The following DTNA variants were observed in gnomAD, a reference collection of about 807,000 sequenced individuals.
DTNA encodes the protein dystrobrevin alpha.
A neutral mutation model predicts 100.7 loss-of-function variants in DTNA; 43 were observed. The ratio of observed to expected loss-of-function variants is 0.43; its 90% CI spans 0.33 to 0.55. The LOEUF (loss-of-function observed/expected upper bound fraction) is 0.55, where lower values mean the gene tolerates loss of function less well. DTNA is among the 20% of genes least tolerant of loss of function. DTNA has a pLI of 0.04. For missense variants in DTNA, 798 were observed against 953.9 expected (o/e 0.84, Z 2.15); for synonymous variants, 349 against 347.9 (o/e 1.00, Z -0.04).
upstream of DTNA, among the ~76,000 whole-genome samples, chr18:34,707,632 A>G (rs1600551489): frequency 6.6e-6 from 1 of 152,208 alleles, no homozygotes; most frequent in Non-Finnish European, 1.5e-5. Context: ...TAATGGCCAC[A>G]TAACCAATCT....
At chr18:34,544,592 A>G (rs1017602925) in intron 1 of DTNA, among the ~76,000 whole-genome samples, 13 of 152,130 alleles carry the variant, frequency 8.5e-5, no homozygotes, top group African/African-American at 3.1e-4. Context: ...TTTAAATTAG[A>G]GTACATATAT....
intron 1 of DTNA, among the ~76,000 whole-genome samples, chr18:34,635,518 T>A (rs1212771548): frequency 6.6e-6 from 1 of 152,198 alleles, no homozygotes; most frequent in East Asian, 1.9e-4. Context: ...GAATCTTAAA[T>A]CATATTAATA....
intron 1 of DTNA, among the ~76,000 whole-genome samples, chr18:34,583,777 G>T (rs1297502687): frequency 6.6e-6 from 1 of 152,134 alleles, no homozygotes; most frequent in African/African-American, 2.4e-5. Context: ...ACTTGAGGCT[G>T]AAAACAGGAC....
chr18:34,612,602 G>A (rs1363735516), intron 1 of DTNA, among the ~76,000 whole-genome samples: 3 of 152,122 alleles, frequency 2.0e-5, no homozygotes, highest in Non-Finnish European at 2.9e-5. Flanking sequence ...AAAAAAACAG[G>A]GAGAGTATTT....
intron 1 of DTNA, among the ~76,000 whole-genome samples, chr18:34,572,608 GA>G (rs1303887804): frequency 6.6e-6 from 1 of 152,140 alleles, no homozygotes; most frequent in African/African-American, 2.4e-5. Flanking sequence ...GTGAGTTTAT[GA>G]AATAAACCAT....
chr18:34,519,033 C>G (rs2041930280), intron 1 of DTNA, among the ~76,000 whole-genome samples: 1 of 151,864 alleles, frequency 6.6e-6, no homozygotes, highest in South Asian at 2.1e-4. Context: ...TTATCAGAGC[C>G]TTGCAGAGAA....
chr18:34,786,586 C>A (rs1025748947), intron 3 of DTNA, among the ~76,000 whole-genome samples: 1 of 152,080 alleles, frequency 6.6e-6, no homozygotes, highest in Non-Finnish European at 1.5e-5. Context: ...GCACGGAGGG[C>A]AGGGTGGAGA....
chr18:34,768,390 A>G (rs777907602), intron 3 of DTNA, among the ~76,000 whole-genome samples: 6 of 152,206 alleles, frequency 3.9e-5, no homozygotes, highest in Non-Finnish European at 8.8e-5. Context: ...TCAGGGAATC[A>G]GGGACTTGGC....
upstream of DTNA, among the ~76,000 whole-genome samples, chr18:34,706,137 G>A (rs964275163): frequency 2.0e-5 from 3 of 152,062 alleles, no homozygotes; most frequent in Non-Finnish European, 4.4e-5. Flanking sequence ...TAGCAGAGAC[G>A]GGGTTCTTCC....
chr18:34,542,670 GAA>G (rs35532444), intron 1 of DTNA, among the ~76,000 whole-genome samples: 11 of 143,798 alleles, frequency 7.6e-5, no homozygotes, highest in Non-Finnish European at 1.2e-4. Flanking sequence ...TCTGTTCTGT[GAA>G]AAAAAAAAAA....
At chr18:34,516,929 G>A (rs745307185) in intron 1 of DTNA, among the ~76,000 whole-genome samples, 35 of 152,114 alleles carry the variant, frequency 2.3e-4, no homozygotes, top group East Asian at 3.8e-4. Flanking sequence ...AAAGACAGGC[G>A]TAGGAAATTA....
In DTNA at chr18:34,888,472, A is replaced by C. The variant is rs1603369877; in HGVS notation, c.*738A>C. Reference sequence around the variant, plus strand: ...ATCCATTCTTTGGGGCCTCTTTCCAACTCGAGGTTGTTTTCTTTCAAGATA... The same window carrying C: ...ATCCATTCTTTGGGGCCTCTTTCCACCTCGAGGTTGTTTTCTTTCAAGATA... On this transcript the variant is annotated 3_prime_UTR_variant, in exon 23 of 23. Transcript: ENST00000444659. 1.0e-6 allele frequency: 1 copy of C among 985,434 alleles called. No individual in the cohort carries two copies. The highest frequency in any genetic ancestry group is 1.2e-6 in the Non-Finnish European group (1 of 829,866). 61.0% of individuals were successfully genotyped at this position (985,434 alleles called of 1,614,324 possible). A position where few individuals can be genotyped will look rare whatever the true frequency, so the allele number is the denominator to read the frequency against.
chr18:34,748,421 A>G (rs1225892288), intron 1 of DTNA, among the ~76,000 whole-genome samples: 2 of 152,176 alleles, frequency 1.3e-5, no homozygotes, highest in African/African-American at 4.8e-5. Flanking sequence ...GTTATCTTCT[A>G]GAAGTTTTAT....
chr18:34,882,776 G>A (rs1199754373), intron 21 of DTNA, among the ~76,000 whole-genome samples: 1 of 152,142 alleles, frequency 6.6e-6, no homozygotes, highest in Admixed American at 6.5e-5. Context: ...GACTCTTTCA[G>A]GCCCATTAAG....
At chr18:34,700,116 T>C (rs2081165031) in intron 1 of DTNA, among the ~76,000 whole-genome samples, 1 of 152,202 alleles carries the variant, frequency 6.6e-6, no homozygotes, top group Non-Finnish European at 1.5e-5. Flanking sequence ...TTGACCACCA[T>C]AGAACTCTAA....
chr18:34,647,736 TAAAG>T (rs1384974868), intron 1 of DTNA, among the ~76,000 whole-genome samples: 2 of 152,214 alleles, frequency 1.3e-5, no homozygotes, highest in Non-Finnish European at 2.9e-5. Context: ...CTGACAGTCT[TAAAG>T]AAAAGACATT....
intron 1 of DTNA, among the ~76,000 whole-genome samples, chr18:34,667,630 T>G (rs1189791499): frequency 6.6e-6 from 1 of 152,216 alleles, no homozygotes; most frequent in Admixed American, 6.5e-5. Flanking sequence ...GTTTTTAGCA[T>G]GAAGGGCTGT....
At position 34,853,688 on chromosome 18, in the gene DTNA, G is replaced by A. The variant is rs977861420; in HGVS notation, c.1532+1760G>A. Among the ~76,000 whole-genome samples, 3 of 152,084 alleles carry A rather than the reference G, an allele frequency of 2.0e-5. No individual in the cohort carries two copies. The East Asian group carries it at 5.8e-4, about 29-fold the overall frequency. Reference sequence around the variant, plus strand: ...TAAAAATAAAATTAAAAAAAAGTTTGTCACATGTGATCCCTGTCAATGTAG... The same window carrying A: ...TAAAAATAAAATTAAAAAAAAGTTTATCACATGTGATCCCTGTCAATGTAG... On this transcript the variant is annotated intron_variant, in intron 15 of 22. Transcript: ENST00000444659.
intron 18 of DTNA, 48 bp downstream of exon 18, chr18:34,875,446 G>A (rs896138534): frequency 1.9e-6 from 3 of 1,613,066 alleles, no homozygotes; most frequent in Non-Finnish European, 1.7e-6. Context: ...GTGGCAAATA[G>A]GTCACCAAGG....
Sources: gnomAD v4.1 joint callset for allele counts (sites outside exome capture counted in the v4.1 genomes callset) on GRCh38, gnomAD v4.1.1 for gene constraint, MANE v1.5 for transcripts, NCBI Gene and HGNC (gene_info 2026-07-23, HGNC 2026-07-21) for gene names.